ABCA2: variants seen among roughly 807,000 people sequenced by gnomAD.
ABCA2 encodes the protein ATP binding cassette subfamily A member 2.
A neutral mutation model predicts 262.8 loss-of-function variants in ABCA2; 84 were observed. The ratio of observed to expected loss-of-function variants is 0.32; its 90% confidence interval spans 0.27 to 0.38. The LOEUF is 0.38. Among genes scored for constraint, ABCA2 ranks in the 10% least tolerant of loss-of-function variants. ABCA2 has a pLI of 1.00. For synonymous variants in ABCA2, 1,696 were observed against 1,502.9 expected (o/e 1.13, Z -2.97); for missense variants, 2,662 against 3,405.9 (o/e 0.78, Z 5.44).
In ABCA2 at chr9:137,011,558, C is replaced by A; in HGVS notation, c.5652-4G>T. On this transcript the variant is annotated splice_region_variant and splice_polypyrimidine_tract_variant and intron_variant, in intron 36 of 48. Coordinates refer to ENST00000341511, the MANE Select transcript of ABCA2 (RefSeq NM_001606.5). The surrounding 1 kb of genome is among the most constrained non-coding windows in gnomAD (Gnocchi z 8.8). ...CATGATGGGCGTGATGGACCACCTGCGGGCAGGTGGCGGGCAGTGGTCACC... is the reference window on the plus strand; with the variant it reads ...CATGATGGGCGTGATGGACCACCTGAGGGCAGGTGGCGGGCAGTGGTCACC... 6.3e-7 allele frequency: 1 copy of A among 1,575,238 alleles called. No individual in the cohort carries two copies. The highest frequency in any genetic ancestry group is 1.2e-5 in the South Asian group (1 of 86,748).
chr9:137,013,562 A>G lies in ABCA2; in HGVS notation c.4449T>C (p.Gly1483=). 6.2e-7 allele frequency: 1 copy of G among 1,606,868 alleles called. No individual in the cohort carries two copies. Among genetic ancestry groups the G allele is most frequent in the Non-Finnish European group, 8.5e-7 (1 of 1,178,272 alleles). Residue 1483 remains glycine, a splice_region_variant and synonymous_variant, in exon 29 of 49, where the codon GGT becomes GGC. Coordinates refer to ENST00000341511, the MANE Select transcript of ABCA2 (RefSeq NM_001606.5). ...MTVALSVPEI[G]DLPPLVLSPS... ...GTGACAGGACCAGCGGGGGCAGATC[A>G]CCTGGCAGGGCGAGCAGGGAGGCCT...
chr9:137,019,572 A>AC lies in ABCA2; in HGVS notation c.1426-267dup, dbSNP rs1831381869. The AC allele has an allele frequency of 2.1e-5, 9 of 421,410 alleles. No homozygotes were observed. In the South Asian group the frequency reaches 2.6e-4, roughly 12 times the overall value. 26.1% of individuals were successfully genotyped at this position (421,410 alleles called of 1,614,324 possible). A position where few individuals can be genotyped will look rare whatever the true frequency, so the allele number is the denominator to read the frequency against. ...CAAGTAGCTGGGATTACAGGTGCCC[A>AC]CCACCACGCCTGGCTAATTTTGTAT... On this transcript the variant is annotated intron_variant, in intron 10 of 48. Coordinates refer to ENST00000341511, the MANE Select transcript of ABCA2 (RefSeq NM_001606.5). This position sits in a 1 kb window ranked among gnomAD's most constrained non-coding sequence, Gnocchi z 4.4.
In ABCA2 at chr9:137,013,706, T is replaced by C. The variant is rs1831152391; in HGVS notation, c.4447+126A>G. 5.2e-6 allele frequency: 7 copies of C among 1,347,520 alleles called. No individual in the cohort carries two copies. In the African/African-American group the frequency reaches 5.8e-5, roughly 11 times the overall value. 83.5% of individuals were successfully genotyped at this position (1,347,520 alleles called of 1,614,324 possible). On this transcript the variant is annotated intron_variant, in intron 28 of 48. Coordinates refer to ENST00000341511, the MANE Select transcript of ABCA2 (RefSeq NM_001606.5). Reference sequence around the variant, plus strand: ...GACAGGACTCCCGGATGAACCCCGGTGCGTGCCCAGCCTCAGGTGTGGGGT... The same window carrying C: ...GACAGGACTCCCGGATGAACCCCGGCGCGTGCCCAGCCTCAGGTGTGGGGT...
In ABCA2 at chr9:137,024,112, G is replaced by A. The variant is rs543241945; in HGVS notation, c.160+31C>T. The A allele has an allele frequency of 2.1e-5, 34 of 1,588,202 alleles. No homozygotes were observed. The East Asian group carries it at 2.5e-4, about 12-fold the overall frequency. On this transcript the variant is annotated intron_variant, in intron 2 of 48. Transcript: ENST00000341511. ...GGCGTGCGAGGTGCCGCGCTCCCCC[G>A]GCTGTGCCTGGGGCCTCCTGCCGCA...
Position 137,009,789 on chromosome 9 carries a change from A to T in ABCA2, c.6610T>A (p.Tyr2204Asn), listed in dbSNP as rs1372652130. 6.2e-7 allele frequency: 1 copy of T among 1,611,942 alleles called. No individual in the cohort carries two copies. Among genetic ancestry groups the T allele is most frequent in the Admixed American group, 1.7e-5 (1 of 59,938 alleles). Residue 2204 changes from tyrosine (Y) to asparagine (N), a missense_variant, in exon 43 of 49, where the codon TAC (tyrosine) becomes AAC (asparagine). Physicochemically the swap from Tyr to Asn is moderately radical, Grantham distance 143. Around this residue, in one of 12 missense-constraint regions of ABCA2, gnomAD observed 602 missense variants for 897.4 expected, o/e 0.67. Transcript: ENST00000341511. ...KLSTAIALIGYPAFIFLDEPT... is the reference protein window; with the variant it reads ...KLSTAIALIGNPAFIFLDEPT... ...CTTACCAGGAAGATGAAGGCTGGGT[A>T]CCCAATGAGGGCGATGGCCGTGGAG...
At chr9:137,014,491 T>C in intron 26 of ABCA2, 87 bp from the exon 27 acceptor site, 1 of 1,472,898 alleles carries the variant, frequency 6.8e-7, no homozygotes, top group Non-Finnish European at 9.1e-7. Context: ...TTGACCCCAG[T>C]TCCCAGGCTC....
chr9:137,014,230 ACGT>A lies in ABCA2; in HGVS notation c.4175_4177del (p.Asp1392del), dbSNP rs755241891. The A allele has an allele frequency of 6.2e-7, 1 of 1,610,046 alleles. No homozygotes were observed. Among genetic ancestry groups the A allele is most frequent in the Non-Finnish European group, 8.5e-7 (1 of 1,178,822 alleles). On this transcript the variant is annotated inframe_deletion, in exon 27 of 49. Transcript: ENST00000341511. ...AAAGAGGGGGCGGTAGTCGCCATAGACGTCGGTGTAGCCAGCTCCCTCGTCGCC... is the reference window on the plus strand; with the variant it reads ...AAAGAGGGGGCGGTAGTCGCCATAGACGGTGTAGCCAGCTCCCTCGTCGCC...
rs1227278809 is a variant in ABCA2, at chr9:137,023,006, G to C, written c.210C>G (p.Val70=). 1.3e-6 allele frequency: 2 copies of C among 1,596,584 alleles called. No individual in the cohort carries two copies. Among genetic ancestry groups the C allele is most frequent in the Non-Finnish European group, 1.7e-6 (2 of 1,172,648 alleles). The change falls in exon 4 of 49, where the codon GTC becomes GTG. Residue 70 remains valine (V), a synonymous_variant. Coordinates refer to ENST00000341511, the MANE Select transcript of ABCA2 (RefSeq NM_001606.5). ...APLTSAGILP[V]MQSLCPDGQR... ...GGCCGTCCGGGCACAGCGATTGCAT[G>C]ACAGGCAGGATGCCGGCAGACGTCA... is the stretch of plus-strand genomic sequence containing the variant.
chr9:137,011,620 C>A lies in ABCA2; in HGVS notation c.5651+14G>T. On this transcript the variant is annotated intron_variant, in intron 36 of 48. Transcript: ENST00000341511. This position sits in a 1 kb window ranked among gnomAD's most constrained non-coding sequence, Gnocchi z 8.8. Reference sequence around the variant, plus strand: ...GTCCCACCTGAGGCCGCTCCCCCCTCCGCTTCCGCTTACCCATAGAGCAGG... The same window carrying A: ...GTCCCACCTGAGGCCGCTCCCCCCTACGCTTCCGCTTACCCATAGAGCAGG... The A allele has an allele frequency of 6.4e-7, 1 of 1,552,624 alleles. No homozygotes were observed. Among genetic ancestry groups the A allele is most frequent in the Non-Finnish European group, 8.7e-7 (1 of 1,148,406 alleles).
rs200797480 is a variant in ABCA2, at chr9:137,011,570, G to C, written c.5652-16C>G. ...GATGGACCACCTGCGGGCAGGTGGC[G>C]GGCAGTGGTCACCAGGCAGCCCCGG... is the stretch of plus-strand genomic sequence containing the variant. On this transcript the variant is annotated splice_polypyrimidine_tract_variant and intron_variant, in intron 36 of 48. Transcript: ENST00000341511. This position sits in a 1 kb window ranked among gnomAD's most constrained non-coding sequence, Gnocchi z 8.8. 3.2e-6 allele frequency: 5 copies of C among 1,567,420 alleles called. No individual in the cohort carries two copies. Among genetic ancestry groups the C allele is most frequent in the Non-Finnish European group, 4.3e-6 (5 of 1,156,526 alleles).
intron 48 of ABCA2, 60 bp from the exon 49 acceptor site, chr9:137,008,024 G>A: frequency 3.2e-6 from 5 of 1,574,414 alleles, no homozygotes; most frequent in African/African-American, 1.3e-5. Flanking sequence ...CTGGGGCTGA[G>A]GACACTTGTG....
rs1174785786 is a variant in ABCA2, at chr9:137,021,814, T to C, written c.678+77A>G. ...GAGCTCCAAGTCACCAAAGGGGCCCTTTCCTCACCCACGGAGCAGAAGCAC... is the reference window on the plus strand; with the variant it reads ...GAGCTCCAAGTCACCAAAGGGGCCCCTTCCTCACCCACGGAGCAGAAGCAC... On this transcript the variant is annotated intron_variant, in intron 7 of 48. Coordinates refer to ENST00000341511, the MANE Select transcript of ABCA2 (RefSeq NM_001606.5). The surrounding 1 kb of genome is among the most constrained non-coding windows in gnomAD (Gnocchi z 6.0). 3.5e-6 allele frequency: 5 copies of C among 1,408,868 alleles called. No individual in the cohort carries two copies. Among genetic ancestry groups the C allele is most frequent in the African/African-American group, 1.4e-5 (1 of 69,910 alleles). 87.3% of individuals were successfully genotyped at this position (1,408,868 alleles called of 1,614,324 possible).
intron 27 of ABCA2, 47 bp downstream of exon 27, chr9:137,014,121 C>G (rs367602400): frequency 3.3e-5 from 52 of 1,592,468 alleles, no homozygotes; most frequent in Non-Finnish European, 3.9e-5. Context: ...CCCCCGCAAC[C>G]CTGCTCCCCC....
rs570098722 is a variant in ABCA2 at position 137,013,220 on chromosome 9, T to C, written c.4649A>G (p.Asn1550Ser). The C allele has an allele frequency of 6.9e-6, 11 of 1,603,036 alleles. No homozygotes were observed. Among genetic ancestry groups the C allele is most frequent in the South Asian group, 2.2e-5 (2 of 90,096 alleles). The change falls in exon 30 of 49, where the codon AAC becomes AGC. Residue 1550 changes from asparagine to serine, a missense_variant. Asn to Ser is a conservative substitution (Grantham distance 46). Transcript: ENST00000341511. ...GTTCAACGTGGGCCCCAGCGAGCCGTTGGCGGGAGACTTGAGCACGCAGGT... is the reference window on the plus strand; with the variant it reads ...GTTCAACGTGGGCCCCAGCGAGCCGCTGGCGGGAGACTTGAGCACGCAGGT... ...GATCVLKSPA[N>S]GSLGPTLNLS...
At chr9:137,013,597 C>T (rs1423256457) in intron 28 of ABCA2, 34 bp from the exon 29 acceptor site, 1 of 1,575,720 alleles carries the variant, frequency 6.3e-7, no homozygotes, top group African/African-American at 1.3e-5. Flanking sequence ...TGAGCAGGTT[C>T]TGCCCTCTGG....
chr9:137,009,729 C>T, intron 43 of ABCA2, 40 bp downstream of exon 43: 1 of 1,608,694 alleles, frequency 6.2e-7, no homozygotes. Context: ...ACCAGGAAGT[C>T]AAAGGCCAGG....
chr9:137,023,807 G>C, intron 3 of ABCA2, 31 bp downstream of exon 3: 1 of 757,160 alleles, frequency 1.3e-6, no homozygotes, highest in Non-Finnish European at 2.4e-6. Context: ...TGCTGCCCAG[G>C]CCAGCCAGGA....
In ABCA2 at chr9:137,010,722, A is replaced by G; in HGVS notation, c.6072T>C (p.Ser2024=). 6.2e-7 allele frequency: 1 copy of G among 1,612,430 alleles called. No individual in the cohort carries two copies. The highest frequency in any genetic ancestry group is 8.5e-7 in the Non-Finnish European group (1 of 1,179,810). The part of the protein sequence containing the change: ...FLRRPQRMPV[S]TKPVEDDVDV... ...CCACATCATCCTCCACAGGCTTGGT[A>G]GACACAGGCATGCGCCTTGGGGGAC... Residue 2024 remains serine (S), a synonymous_variant, in exon 40 of 49, where the codon TCT becomes TCC. Transcript: ENST00000341511.
chr9:137,017,686 T>C lies in ABCA2; in HGVS notation c.2218A>G (p.Lys740Glu). The C allele has an allele frequency of 6.2e-7, 1 of 1,608,178 alleles. No homozygotes were observed. The highest frequency in any genetic ancestry group is 8.5e-7 in the Non-Finnish European group (1 of 1,176,172). Reference protein sequence around the residue: ...EKEHRLKEVMKTMGLNNAVHW... With the variant: ...EKEHRLKEVMETMGLNNAVHW... ...ACCGCGTTGTTCAGGCCCATGGTCT[T>C]CATCACCTGCGGGTGGGCCAGGGGC... is the stretch of plus-strand genomic sequence containing the variant. Residue 740 changes from lysine to glutamate, a missense_variant, in exon 17 of 49, where the codon AAG becomes GAG. Coordinates refer to ENST00000341511, the MANE Select transcript of ABCA2 (RefSeq NM_001606.5).
Sources: allele counts gnomAD v4.1 joint callset, GRCh38; gene constraint gnomAD v4.1.1; regional missense constraint gnomAD v4.1.1; non-coding constraint Gnocchi (gnomAD v3.1); transcripts MANE v1.5; gene names NCBI Gene and HGNC (gene_info 2026-07-23, HGNC 2026-07-21).